The following NT5C2 variants were observed in gnomAD, a reference collection of about 807,000 sequenced individuals.
NT5C2 encodes the protein 5'-nucleotidase, cytosolic II, also known as cytosolic purine 5'-nucleotidase.
A neutral mutation model predicts 76.1 loss-of-function variants in NT5C2; 58 were observed. That is an observed-to-expected ratio of 0.76 (90% CI 0.62 to 0.95). The LOEUF (loss-of-function observed/expected upper bound fraction) is 0.95. NT5C2 is among the 40% of genes least tolerant of loss of function. The pLI, the probability that NT5C2 is intolerant of heterozygous loss-of-function variation, is 0.00. For synonymous variants in NT5C2, 229 were observed against 237.4 expected, an observed-to-expected ratio of 0.96 and a Z score of 0.32; for missense variants, 478 against 690.3, an observed-to-expected ratio of 0.69 and a Z score of 3.45.
intron 12 of NT5C2, 61 bp downstream of exon 12, chr10:103,095,878 C>A: frequency 6.9e-7 from 1 of 1,446,790 alleles, no homozygotes; most frequent in Non-Finnish European, 9.7e-7. Context: ...CTTAATATTC[C>A]AGAATGATTA....
intron 2 of NT5C2, chr10:103,175,813 AAG>A (rs755112640): frequency 3.1e-5 from 6 of 192,594 alleles, no homozygotes; most frequent in Non-Finnish European, 6.4e-5. Context: ...GTTCTCTCTC[AAG>A]AAGTCTTTCA....
intron 6 of NT5C2, among the ~76,000 whole-genome samples, chr10:103,102,242 C>T (rs768167528): frequency 4.6e-5 from 7 of 152,028 alleles, no homozygotes; most frequent in Non-Finnish European, 8.8e-5. Flanking sequence ...GGGATCCAAG[C>T]AGAGACCTAG....
At chr10:103,105,264 T>A in intron 6 of NT5C2, 1 of 226,672 alleles carries the variant, frequency 4.4e-6, no homozygotes, top group Non-Finnish European at 9.0e-6. Flanking sequence ...TTTAGATTCA[T>A]TAGAATCTAA....
Position 103,090,971 on chromosome 10 carries a change from G to A in NT5C2, c.1237C>T (p.Arg413Cys), listed in dbSNP as rs2066658373. 1.2e-6 allele frequency: 2 copies of A among 1,613,690 alleles called. No homozygotes were observed. Among genetic ancestry groups the A allele is most frequent in the Non-Finnish European group, 1.7e-6 (2 of 1,179,886 alleles). ...CTCTGGATGGAACTGATGTCTGGAC[G>A]CTCATTGCTACTGCTGTCAAGATGC... ...YKHLDSSSNE[R>C]PDISSIQRRI... The change falls in exon 17 of 19, where the codon CGT (arginine) becomes TGT (cysteine). Residue 413 changes from arginine (R) to cysteine (C), a missense_variant. Physicochemically the swap from Arg to Cys is radical, Grantham distance 180. Transcript: ENST00000404739.
chr10:103,153,286 C>T, intron 3 of NT5C2: 1 of 1,279,904 alleles, frequency 7.8e-7, no homozygotes, highest in East Asian at 5.8e-5. Flanking sequence ...AATAAAATCA[C>T]TTACCCTTCC....
At chr10:103,184,289 T>C (rs1440366991) in intron 1 of NT5C2, among the ~76,000 whole-genome samples, 1 of 152,176 alleles carries the variant, frequency 6.6e-6, no homozygotes, top group East Asian at 1.9e-4. Flanking sequence ...ATTATTTTCA[T>C]TCAGAGTTCT....
intron 12 of NT5C2, 49 bp from the exon 13 acceptor site, chr10:103,094,504 G>C: frequency 1.1e-6 from 1 of 929,052 alleles, no homozygotes; most frequent in Non-Finnish European, 1.8e-6. Context: ...CTTACCTTAA[G>C]GCATTACTAT....
intron 18 of NT5C2, 106 bp downstream of exon 18, chr10:103,090,505 A>T: frequency 9.8e-7 from 1 of 1,018,954 alleles, no homozygotes; most frequent in Non-Finnish European, 1.4e-6. Flanking sequence ...TGGGCTCTGT[A>T]CATCAGAAAG....
At chr10:103,146,543 G>T in intron 3 of NT5C2, 2 of 517,818 alleles carry the variant, frequency 3.9e-6, no homozygotes, top group Non-Finnish European at 5.0e-6. Flanking sequence ...GTATGTGTCT[G>T]TATATATGCA....
intron 9 of NT5C2, 107 bp from the exon 10 acceptor site, chr10:103,099,091 T>C: frequency 1.1e-6 from 1 of 880,094 alleles, no homozygotes; most frequent in South Asian, 1.5e-5. Flanking sequence ...CTTTCTTTTT[T>C]TGAGACAAGG....
intron 3 of NT5C2, among the ~76,000 whole-genome samples, chr10:103,165,758 G>A (rs528240303): frequency 1.3e-4 from 19 of 145,062 alleles, no homozygotes; most frequent in African/African-American, 1.3e-4. Context: ...TGTAACCTCC[G>A]CCTCCCAGGT....
intron 3 of NT5C2, among the ~76,000 whole-genome samples, chr10:103,151,992 TCTAA>T (rs1270160321): frequency 3.3e-5 from 5 of 152,146 alleles, no homozygotes; most frequent in Non-Finnish European, 7.4e-5. Context: ...TCCAACTTTC[TCTAA>T]CTAACCAAGT....
chr10:103,186,721 T>G (rs2092059660), intron 1 of NT5C2, among the ~76,000 whole-genome samples: 1 of 151,496 alleles, frequency 6.6e-6, no homozygotes, highest in Non-Finnish European at 1.5e-5. Context: ...GAGACCATCC[T>G]GGCTAACACA....
At chr10:103,126,928 C>T (rs1448715506) in intron 4 of NT5C2, among the ~76,000 whole-genome samples, 1 of 152,174 alleles carries the variant, frequency 6.6e-6, no homozygotes, top group Non-Finnish European at 1.5e-5. Context: ...CCTCCCATCT[C>T]AGTCTCCCAA....
intron 3 of NT5C2, among the ~76,000 whole-genome samples, chr10:103,148,631 G>A (rs911801629): frequency 3.3e-5 from 5 of 151,132 alleles, no homozygotes; most frequent in African/African-American, 1.2e-4. Flanking sequence ...ACAGCCTCCT[G>A]TGCATTAAAA....
chr10:103,188,900 T>C (rs1207290570), intron 1 of NT5C2, among the ~76,000 whole-genome samples: 3 of 151,890 alleles, frequency 2.0e-5, no homozygotes, highest in East Asian at 1.9e-4. Context: ...ATGCCTGTAG[T>C]ACTCGGGAGG....
At chr10:103,172,837 A>C (rs928864044) in intron 3 of NT5C2, among the ~76,000 whole-genome samples, 1 of 152,096 alleles carries the variant, frequency 6.6e-6, no homozygotes, top group African/African-American at 2.4e-5. Flanking sequence ...CTGTCTCAAA[A>C]ACAAAAACAA....
chr10:103,164,696 A>G (rs182620084), intron 3 of NT5C2, among the ~76,000 whole-genome samples: 1 of 152,248 alleles, frequency 6.6e-6, no homozygotes, highest in Non-Finnish European at 1.5e-5. Context: ...AAACATGAAT[A>G]AATCTCTCTC....
chr10:103,178,962 T>C (rs1439870065), intron 2 of NT5C2, among the ~76,000 whole-genome samples: 2 of 148,892 alleles, frequency 1.3e-5, no homozygotes, highest in Non-Finnish European at 3.0e-5. Flanking sequence ...TTCTTTTTTT[T>C]TTTTGAGATA....
Sources: allele counts gnomAD v4.1 joint callset (sites outside exome capture counted in the v4.1 genomes callset), GRCh38; gene constraint gnomAD v4.1.1; transcripts MANE v1.5; gene names NCBI Gene and HGNC (gene_info 2026-07-23, HGNC 2026-07-21).